The following SPOCK1 variants were observed in gnomAD, a reference collection of about 807,000 sequenced individuals.
SPOCK1 encodes the protein testican-1.
SPOCK1 carries 23 observed loss-of-function variants against 55.3 expected under a neutral mutation model. That is an observed-to-expected ratio of 0.42 (90% CI 0.30 to 0.59). The LOEUF is 0.59. Ranked by LOEUF, SPOCK1 falls within the 20% of genes least tolerant of loss-of-function variation. The probability of loss-of-function intolerance (pLI) is 0.22; values close to 1 mark genes in which losing one functional copy is unlikely to be tolerated. For missense variants in SPOCK1, 499 were observed against 552.5 expected, an observed-to-expected ratio of 0.90 and a Z score of 0.97; for synonymous variants, 226 against 221.0, an observed-to-expected ratio of 1.02 and a Z score of -0.20.
intron 3 of SPOCK1, among the ~76,000 whole-genome samples, chr5:137,266,336 A>G (rs1227726292): frequency 6.6e-6 from 1 of 152,186 alleles, no homozygotes; most frequent in Non-Finnish European, 1.5e-5. Flanking sequence ...AGCACCACAC[A>G]TGGAACAACG....
chr5:137,347,402 G>A (rs1750581935), intron 2 of SPOCK1, among the ~76,000 whole-genome samples: 3 of 152,132 alleles, frequency 2.0e-5, no homozygotes, highest in Admixed American at 1.3e-4. Context: ...TCTCCACCTG[G>A]TTCATGCTTC....
chr5:137,095,163 A>G (rs1753121088), intron 5 of SPOCK1, among the ~76,000 whole-genome samples: 1 of 152,196 alleles, frequency 6.6e-6, no homozygotes, highest in Non-Finnish European at 1.5e-5. Flanking sequence ...AATTTCAATA[A>G]CAACATAAAA....
intron 6 of SPOCK1, among the ~76,000 whole-genome samples, chr5:137,008,040 C>G (rs1004440571): frequency 4.2e-5 from 6 of 144,462 alleles, no homozygotes; most frequent in Admixed American, 7.5e-5. Context: ...AACACAGGAA[C>G]AGAAAACCAA....
intron 2 of SPOCK1, among the ~76,000 whole-genome samples, chr5:137,407,773 C>T (rs115355609): frequency 0.019 from 2,964 of 152,258 alleles, 98 homozygotes; most frequent in African/African-American, 0.068. Flanking sequence ...CAAGCCACTG[C>T]GCACCTATCA....
At chr5:137,258,888 G>C (rs901815083) in intron 3 of SPOCK1, among the ~76,000 whole-genome samples, 1 of 152,138 alleles carries the variant, frequency 6.6e-6, no homozygotes. Context: ...AATGGCTTTT[G>C]CTCCTTGGTT....
At chr5:137,416,666 ATAATAT>A (rs1461449275) in intron 2 of SPOCK1, among the ~76,000 whole-genome samples, 1 of 152,142 alleles carries the variant, frequency 6.6e-6, no homozygotes, top group Non-Finnish European at 1.5e-5. Flanking sequence ...GCTATCAAAA[ATAATAT>A]TAATAAGAAA....
chr5:137,200,840 T>C (rs1031028367), intron 3 of SPOCK1, among the ~76,000 whole-genome samples: 1 of 152,132 alleles, frequency 6.6e-6, no homozygotes, highest in Non-Finnish European at 1.5e-5. Flanking sequence ...TTGAGTAGTT[T>C]AAAAACCTCC....
chr5:137,359,371 C>T (rs1750891167), intron 2 of SPOCK1, among the ~76,000 whole-genome samples: 1 of 152,136 alleles, frequency 6.6e-6, no homozygotes, highest in Admixed American at 6.5e-5. Context: ...TGATTAAACA[C>T]CAAAATATGT....
At chr5:137,004,298 G>A (rs74835048) in intron 6 of SPOCK1, among the ~76,000 whole-genome samples, 3,743 of 152,194 alleles carry the variant, frequency 0.025, 119 homozygotes, top group African/African-American at 0.068. Context: ...ATAAATGAGG[G>A]TCTAGAGACA....
At chr5:136,996,666 A>G (rs1751045071) in intron 6 of SPOCK1, among the ~76,000 whole-genome samples, 1 of 152,148 alleles carries the variant, frequency 6.6e-6, no homozygotes, top group Non-Finnish European at 1.5e-5. Flanking sequence ...AGAGGATTAT[A>G]AAATGCACCA....
chr5:137,201,695 A>C (rs1352799384), intron 3 of SPOCK1, among the ~76,000 whole-genome samples: 2 of 152,168 alleles, frequency 1.3e-5, no homozygotes, highest in Non-Finnish European at 2.9e-5. Flanking sequence ...CCTCTAGAAA[A>C]ATGGAAAGAA....
intron 5 of SPOCK1, among the ~76,000 whole-genome samples, chr5:137,076,310 T>C (rs1393217684): frequency 6.6e-6 from 1 of 152,250 alleles, no homozygotes; most frequent in Non-Finnish European, 1.5e-5. Flanking sequence ...TTTACATATC[T>C]ACTTCTTGAA....
intron 2 of SPOCK1, among the ~76,000 whole-genome samples, chr5:137,449,309 A>G (rs1031400709): frequency 6.6e-6 from 1 of 152,248 alleles, no homozygotes; most frequent in Non-Finnish European, 1.5e-5. Flanking sequence ...CACCTACACA[A>G]TAACTTTGAC....
intron 3 of SPOCK1, among the ~76,000 whole-genome samples, chr5:137,187,269 C>G (rs1473990164): frequency 6.6e-6 from 1 of 152,192 alleles, no homozygotes; most frequent in African/African-American, 2.4e-5. Context: ...CAGCCTGCTT[C>G]TCCTCCTCCC....
intron 5 of SPOCK1, among the ~76,000 whole-genome samples, chr5:137,079,533 T>TTTCCCGC (rs1752835078): frequency 2.6e-5 from 1 of 38,612 alleles, no homozygotes. Context: ...CCCATCTGAT[T>TTTCCCGC]CCCCCCCCCC....
At chr5:137,279,335 A>G (rs991681119) in intron 2 of SPOCK1, among the ~76,000 whole-genome samples, 1 of 152,248 alleles carries the variant, frequency 6.6e-6, no homozygotes, top group Non-Finnish European at 1.5e-5. Flanking sequence ...CCTGGTAACT[A>G]TCACTTAGAA....
At chr5:137,223,205 C>T (rs1420398542) in intron 3 of SPOCK1, among the ~76,000 whole-genome samples, 2 of 151,404 alleles carry the variant, frequency 1.3e-5, no homozygotes, top group Non-Finnish European at 2.9e-5. Flanking sequence ...TAATTTGTCA[C>T]TTTTCTCCCA....
chr5:137,421,127 T>C (rs1298864964), intron 2 of SPOCK1, among the ~76,000 whole-genome samples: 1 of 152,252 alleles, frequency 6.6e-6, no homozygotes, highest in Non-Finnish European at 1.5e-5. Flanking sequence ...TTCCTAATCC[T>C]GAGTTCTAGT....
intron 2 of SPOCK1, among the ~76,000 whole-genome samples, chr5:137,422,635 T>C (rs1752524252): frequency 6.6e-6 from 1 of 152,270 alleles, no homozygotes; most frequent in Non-Finnish European, 1.5e-5. Context: ...TTCAGCTCCA[T>C]CAGGTCCTTT....
Sources: gnomAD v4.1 joint callset for allele counts (sites outside exome capture counted in the v4.1 genomes callset) on GRCh38, gnomAD v4.1.1 for gene constraint, MANE v1.5 for transcripts, NCBI Gene and HGNC (gene_info 2026-07-23, HGNC 2026-07-21) for gene names.